The following LRP1B variants were observed in gnomAD, a reference collection of about 807,000 sequenced individuals.
LRP1B encodes low-density lipoprotein receptor-related protein 1B.
A neutral mutation model predicts 556.6 loss-of-function variants in LRP1B; 217 were observed. That is an observed-to-expected ratio of 0.39 (90% confidence interval 0.35 to 0.44). The LOEUF (loss-of-function observed/expected upper bound fraction) is 0.44, where lower values mean the gene tolerates loss of function less well. Ranked by LOEUF, LRP1B falls within the 20% of genes least tolerant of loss-of-function variation. The probability of loss-of-function intolerance (pLI) is 1.00; values close to 1 mark genes in which losing one functional copy is unlikely to be tolerated. For missense variants in LRP1B, 5,053 were observed against 5,620.8 expected, an observed-to-expected ratio of 0.90 and a Z score of 3.23; for synonymous variants, 2,047 against 1,865.8, an observed-to-expected ratio of 1.10 and a Z score of -2.50.
intron 33 of LRP1B, among the ~76,000 whole-genome samples, chr2:140,771,494 G>A (rs1689310562): frequency 6.6e-6 from 1 of 152,094 alleles, no homozygotes; most frequent in African/African-American, 2.4e-5. Flanking sequence ...ATTTTTAAAA[G>A]CAGGGAAATA....
At chr2:142,078,115 C>T (rs932747908) in intron 1 of LRP1B, among the ~76,000 whole-genome samples, 38 of 152,046 alleles carry the variant, frequency 2.5e-4, no homozygotes, top group African/African-American at 8.9e-4. Flanking sequence ...GCTTGCTGTG[C>T]TTATCTGCCA....
At chr2:140,918,228 CT>C in intron 21 of LRP1B, among the ~76,000 whole-genome samples, 1 of 148,142 alleles carries the variant, frequency 6.8e-6, no homozygotes, top group South Asian at 2.1e-4. Flanking sequence ...GTAGAGAATG[CT>C]TTTTGTAAAT....
chr2:141,236,931 G>A (rs1203099425), intron 5 of LRP1B, among the ~76,000 whole-genome samples: 2 of 152,140 alleles, frequency 1.3e-5, no homozygotes, highest in Non-Finnish European at 2.9e-5. Context: ...ATGTCACATA[G>A]AGAATGGCAT....
At position 140,428,642 on chromosome 2, in the gene LRP1B, A is replaced by G. The variant is rs566475926; in HGVS notation, c.10414+13862T>C. ...TGCCTGATCGTCTCTGAAGCCCCCTAGACCATCACGGACGTCAAGCTTCGA... is the reference window on the plus strand; with the variant it reads ...TGCCTGATCGTCTCTGAAGCCCCCTGGACCATCACGGACGTCAAGCTTCGA... On this transcript the variant is annotated intron_variant, in intron 66 of 90. Transcript: ENST00000389484. 3.3e-4 allele frequency among the ~76,000 whole-genome samples: 50 copies of G among 152,288 alleles called. 1 individual carries two copies. The East Asian group carries it at 8.7e-3, about 27-fold the overall frequency.
In LRP1B at chr2:141,509,128, G is replaced by GAGAA. The variant is rs746532318; in HGVS notation, c.206-28599_206-28596dup. 1.2e-4 allele frequency among the ~76,000 whole-genome samples: 19 copies of GAGAA among 152,034 alleles called. 1 individual carries two copies. The highest frequency in any genetic ancestry group is 2.9e-4 in the African/African-American group (12 of 41,382). ...TAGGGCGCTTTCAAAAATCATAACAGAGAAAGAAAGAAAGAAAGATACTTC... is the reference window on the plus strand; with the variant it reads ...TAGGGCGCTTTCAAAAATCATAACAGAGAAAGAAAGAAAGAAAGAAAGATACTTC... On this transcript the variant is annotated intron_variant, in intron 2 of 90. Coordinates refer to ENST00000389484, the MANE Select transcript of LRP1B (RefSeq NM_018557.3).
chr2:141,179,710 A>G (rs1680908792), intron 7 of LRP1B, among the ~76,000 whole-genome samples: 1 of 151,932 alleles, frequency 6.6e-6, no homozygotes. Flanking sequence ...CATCTGGAGA[A>G]GAAACCAACT....
chr2:141,180,517 A>C (rs900078018), intron 7 of LRP1B, among the ~76,000 whole-genome samples: 4 of 152,088 alleles, frequency 2.6e-5, no homozygotes, highest in African/African-American at 9.6e-5. Flanking sequence ...AACTTACTGA[A>C]TATTACCCAA....
intron 6 of LRP1B, among the ~76,000 whole-genome samples, chr2:141,200,265 C>A (rs1041479845): frequency 6.6e-6 from 1 of 151,912 alleles, no homozygotes; most frequent in African/African-American, 2.4e-5. Context: ...AAACAAAAAA[C>A]CAAGATCATA....
chr2:141,898,298 G>C (rs1417631973), intron 1 of LRP1B, among the ~76,000 whole-genome samples: 1 of 152,030 alleles, frequency 6.6e-6, no homozygotes, highest in Non-Finnish European at 1.5e-5. Flanking sequence ...TCCTCCTCTG[G>C]AAGGATATCC....
chr2:140,930,764 A>T (rs1695023889), intron 20 of LRP1B, among the ~76,000 whole-genome samples: 1 of 152,134 alleles, frequency 6.6e-6, no homozygotes, highest in Non-Finnish European at 1.5e-5. Context: ...CATTATAATC[A>T]CCATGTGTCA....
At chr2:140,254,379 C>G (rs762458864) in intron 86 of LRP1B, among the ~76,000 whole-genome samples, 1 of 152,092 alleles carries the variant, frequency 6.6e-6, no homozygotes, top group Non-Finnish European at 1.5e-5. Flanking sequence ...CTTTCAGTTC[C>G]AATGCTCATG....
At position 140,601,554 on chromosome 2, in the gene LRP1B, T is replaced by G; in HGVS notation, c.6885A>C (p.Arg2295Ser). Residue 2295 changes from arginine (R) to serine (S), a missense_variant, in exon 42 of 91, where the codon AGA becomes AGC. This residue lies in a region of LRP1B where 3,619 missense variants were observed against 3,931.9 expected (regional missense o/e 0.92). Coordinates refer to ENST00000389484, the MANE Select transcript of LRP1B (RefSeq NM_018557.3). ...CAGGCCGAGTCTGGTCCACAGTGTG[T>G]CTGGTGATGGATGAGGTGGTAGAGC... The part of the protein sequence containing the change: ...WTSSTTSSIT[R>S]HTVDQTRPGA... The G allele has an allele frequency of 6.2e-7, 1 of 1,613,260 alleles. No individual in the cohort carries two copies.
At chr2:141,937,233 C>G (rs904857966) in intron 1 of LRP1B, among the ~76,000 whole-genome samples, 1 of 151,326 alleles carries the variant, frequency 6.6e-6, no homozygotes, top group African/African-American at 2.4e-5. Flanking sequence ...AAAAATTAGC[C>G]GGGTGTGGTG....
chr2:140,464,230 A>T (rs1687448435), intron 60 of LRP1B, among the ~76,000 whole-genome samples: 1 of 151,744 alleles, frequency 6.6e-6, no homozygotes, highest in Non-Finnish European at 1.5e-5. Flanking sequence ...TAAAATAAAA[A>T]AAGAAATTCA....
chr2:140,304,105 T>C (rs894763134), intron 83 of LRP1B, among the ~76,000 whole-genome samples: 1 of 152,190 alleles, frequency 6.6e-6, no homozygotes, highest in African/African-American at 2.4e-5. Flanking sequence ...TTGTGAATAG[T>C]TCCGTAATAA....
chr2:140,840,292 G>A (rs373465385), intron 30 of LRP1B, among the ~76,000 whole-genome samples: 1 of 152,100 alleles, frequency 6.6e-6, no homozygotes, highest in African/African-American at 2.4e-5. Flanking sequence ...GCTTTTTCCT[G>A]TTAGTGAAGA....
At chr2:141,982,527 A>G (rs536944746) in intron 1 of LRP1B, among the ~76,000 whole-genome samples, 21 of 152,248 alleles carry the variant, frequency 1.4e-4, no homozygotes, top group African/African-American at 4.6e-4. Context: ...ATTCTTAATT[A>G]TATTTGAACG....
chr2:141,685,713 C>CT, intron 2 of LRP1B, among the ~76,000 whole-genome samples: 1 of 152,082 alleles, frequency 6.6e-6, no homozygotes, highest in Middle Eastern at 3.4e-3. Context: ...TGATGTGGCA[C>CT]AAGCCAAGGA....
chr2:141,136,511 T>C lies in LRP1B; in HGVS notation c.1013+51910A>G, dbSNP rs115166996. Among the ~76,000 whole-genome samples, 626 of 151,808 alleles carry C rather than the reference T, an allele frequency of 4.1e-3. 5 individuals carry two copies. The highest frequency in any genetic ancestry group is 0.014 in the African/African-American group (568 of 41,466). ...ATCTAAAGGCAAGGGACTTTAAATT[T>C]TATTTCCTTTCCTGCTTTAATATCT... On this transcript the variant is annotated intron_variant, in intron 7 of 90. Coordinates refer to ENST00000389484, the MANE Select transcript of LRP1B (RefSeq NM_018557.3).
Sources: gnomAD v4.1 joint callset for allele counts (sites outside exome capture counted in the v4.1 genomes callset) on GRCh38, gnomAD v4.1.1 for gene constraint, gnomAD v4.1.1 regional missense constraint, MANE v1.5 for transcripts, NCBI Gene and HGNC (gene_info 2026-07-23, HGNC 2026-07-21) for gene names.